SPHKAP: variants seen among roughly 807,000 people sequenced by gnomAD.
The protein encoded by SPHKAP is SPHK1 interactor, AKAP domain containing, also known as A-kinase anchor protein SPHKAP.
A neutral mutation model predicts 137.5 loss-of-function variants in SPHKAP; 67 were observed. That is an observed-to-expected ratio of 0.49 (90% confidence interval 0.40 to 0.60). The LOEUF (loss-of-function observed/expected upper bound fraction) is 0.60, where lower values mean the gene tolerates loss of function less well. Among genes scored for constraint, SPHKAP ranks in the 20% least tolerant of loss-of-function variants. The probability of loss-of-function intolerance (pLI) is 0.00; values close to 1 mark genes in which losing one functional copy is unlikely to be tolerated. For synonymous variants in SPHKAP, 813 were observed against 785.3 expected, an observed-to-expected ratio of 1.04 and a Z score of -0.59; for missense variants, 2,097 against 2,069.3, an observed-to-expected ratio of 1.01 and a Z score of -0.26.
At position 228,020,028 on chromosome 2, in the gene SPHKAP, AT is replaced by A. The variant is rs1406314706; in HGVS notation, c.825del (p.Lys275AsnfsTer6). On this transcript the variant is annotated frameshift_variant, in exon 7 of 12. Transcript: ENST00000392056. LOFTEE classifies it high-confidence loss of function. ...TCTGTTTTAATCAATGGTGTGGGATATTTGTTGATGTATTTGTCTTCCAAAG... is the reference window on the plus strand; with the variant it reads ...TCTGTTTTAATCAATGGTGTGGGATATTGTTGATGTATTTGTCTTCCAAAG... ...LYALEDKYIN[K>X]YPTPLIKTER... is the part of the protein sequence containing the mutation. 6.2e-7 allele frequency: 1 copy of A among 1,614,158 alleles called. No individual in the cohort carries two copies. The highest frequency in any genetic ancestry group is 8.5e-7 in the Non-Finnish European group (1 of 1,180,024).
rs762176818 is a variant in SPHKAP, at chr2:228,016,553, T to A, written c.4301A>T (p.Asp1434Val). Residue 1434 changes from aspartate to valine, a missense_variant, in exon 7 of 12, where the codon GAT (aspartate) becomes GTT (valine). Physicochemically the swap from Asp to Val is radical, Grantham distance 152. Transcript: ENST00000392056. ...TTCCCCAGCACAGGCTTCTCTCTGA[T>A]CTGTTTCAATCTGAATCAAAGGCAC... ...REVPLIQIETDQREACAGEPE... is the reference protein window; with the variant it reads ...REVPLIQIETVQREACAGEPE... 6.2e-7 allele frequency: 1 copy of A among 1,614,144 alleles called. No homozygotes were observed. The highest frequency in any genetic ancestry group is 2.2e-5 in the East Asian group (1 of 44,864).
At position 228,132,002 on chromosome 2, in the gene SPHKAP, T is replaced by C. The variant is rs1172934369; in HGVS notation, c.116A>G (p.Asn39Ser). The change falls in exon 2 of 12, where the codon AAC becomes AGC. Residue 39 changes from asparagine to serine, a missense_variant. Coordinates refer to ENST00000392056, the MANE Select transcript of SPHKAP (RefSeq NM_001142644.2). ...TACCTTCTTACAGGCTGTGATGGAG[T>C]TCCCCGGGCCGCTTCCTGAGCTGCC... The part of the protein sequence containing the change: ...GCGSSGSGPG[N>S]SITACKKVLR... 5.6e-6 allele frequency: 9 copies of C among 1,613,832 alleles called. No individual in the cohort carries two copies. The highest frequency in any genetic ancestry group is 2.5e-6 in the Non-Finnish European group (3 of 1,179,894).
chr2:228,102,792 G>C (rs1449341415), intron 3 of SPHKAP, among the ~76,000 whole-genome samples: 1 of 152,028 alleles, frequency 6.6e-6, no homozygotes, highest in African/African-American at 2.4e-5. Flanking sequence ...ACCCCGGCTG[G>C]AGTGCAATGG....
At chr2:228,102,827 C>T (rs1035075880) in intron 3 of SPHKAP, among the ~76,000 whole-genome samples, 7 of 152,136 alleles carry the variant, frequency 4.6e-5, no homozygotes, top group Non-Finnish European at 7.3e-5. Flanking sequence ...ACTGCTGCCT[C>T]GAACTCCTGG....
At chr2:228,080,041 A>G (rs1697309424) in intron 3 of SPHKAP, among the ~76,000 whole-genome samples, 1 of 152,068 alleles carries the variant, frequency 6.6e-6, no homozygotes, top group Non-Finnish European at 1.5e-5. Flanking sequence ...TGAAGTAAAC[A>G]AAAGCATTGT....
At chr2:228,176,887 C>T (rs1193823018) in intron 1 of SPHKAP, among the ~76,000 whole-genome samples, 1 of 152,046 alleles carries the variant, frequency 6.6e-6, no homozygotes, top group Non-Finnish European at 1.5e-5. Flanking sequence ...AAAACAAAAA[C>T]AAAAACAAAA....
intron 3 of SPHKAP, among the ~76,000 whole-genome samples, chr2:228,054,642 A>G (rs562459023): frequency 6.6e-6 from 1 of 152,258 alleles, no homozygotes; most frequent in East Asian, 1.9e-4. Context: ...CAGAATTTCT[A>G]AAAGTGGGAC....
At chr2:228,084,005 G>A (rs1478762704) in intron 3 of SPHKAP, among the ~76,000 whole-genome samples, 10 of 151,732 alleles carry the variant, frequency 6.6e-5, no homozygotes, top group Admixed American at 1.3e-4. Flanking sequence ...CCCAGATGAC[G>A]GGTTGATATG....
chr2:228,119,456 T>C lies in SPHKAP; in HGVS notation c.139-10517A>G, dbSNP rs1044271186. ...TTTATAATAGTTTAAAAGCCTAGTA[T>C]ACACACACACACACACTCTCTCTCT... On this transcript the variant is annotated intron_variant, in intron 2 of 11. Coordinates refer to ENST00000392056, the MANE Select transcript of SPHKAP (RefSeq NM_001142644.2). 3.5e-4 allele frequency among the ~76,000 whole-genome samples: 48 copies of C among 137,434 alleles called. 1 individual carries two copies. In the East Asian group the frequency reaches 9.1e-3, roughly 26 times the overall value. The allele number at this position is 137,434 out of a possible 152,430, so 90.2% of individuals were successfully genotyped here. A position where few individuals can be genotyped will look rare whatever the true frequency, so the allele number is the denominator to read the frequency against.
chr2:228,109,007 C>CTTTT (rs11374866), intron 2 of SPHKAP, 68 bp from the exon 3 acceptor site: 6 of 719,298 alleles, frequency 8.3e-6, no homozygotes, highest in Non-Finnish European at 1.2e-5. Flanking sequence ...AGCTCTCTCT[C>CTTTT]TTTTTTTTTT....
chr2:228,061,442 A>G (rs1453284136), intron 3 of SPHKAP, among the ~76,000 whole-genome samples: 1 of 151,462 alleles, frequency 6.6e-6, no homozygotes, highest in Non-Finnish European at 1.5e-5. Flanking sequence ...CTAATTTTGT[A>G]TGTATTTTTA....
At chr2:228,180,727 G>T (rs1388984980) in intron 1 of SPHKAP, among the ~76,000 whole-genome samples, 1 of 152,198 alleles carries the variant, frequency 6.6e-6, no homozygotes. Context: ...CCGGCTGGGG[G>T]AGCAGGCCCA....
At chr2:228,138,467 A>AT (rs531274094) in intron 1 of SPHKAP, among the ~76,000 whole-genome samples, 2 of 151,878 alleles carry the variant, frequency 1.3e-5, no homozygotes, top group Non-Finnish European at 2.9e-5. Context: ...AGAAGTTTAT[A>AT]TTTTTTTTCT....
intron 3 of SPHKAP, among the ~76,000 whole-genome samples, chr2:228,036,065 C>T (rs897274701): frequency 3.3e-4 from 50 of 150,408 alleles, no homozygotes; most frequent in Admixed American, 2.1e-3. Flanking sequence ...TTCTGCACAG[C>T]AAAAGAAACT....
intron 3 of SPHKAP, among the ~76,000 whole-genome samples, chr2:228,062,497 T>C (rs1696685544): frequency 6.6e-6 from 1 of 152,150 alleles, no homozygotes; most frequent in African/African-American, 2.4e-5. Flanking sequence ...CTATCACATC[T>C]TGCACACTGA....
At chr2:228,092,551 T>C (rs956556587) in intron 3 of SPHKAP, among the ~76,000 whole-genome samples, 1 of 110,030 alleles carries the variant, frequency 9.1e-6, no homozygotes, top group Non-Finnish European at 1.9e-5. Context: ...GCCATATATA[T>C]GTGTATATGT....
chr2:228,026,529 A>C (rs898478419), intron 4 of SPHKAP, among the ~76,000 whole-genome samples: 3 of 152,194 alleles, frequency 2.0e-5, no homozygotes, highest in Non-Finnish European at 2.9e-5. Flanking sequence ...AGGTGTCTGC[A>C]TGCTCTTAGC....
chr2:228,112,250 C>T (rs1216955047), intron 2 of SPHKAP, among the ~76,000 whole-genome samples: 1 of 152,030 alleles, frequency 6.6e-6, no homozygotes, highest in East Asian at 1.9e-4. Flanking sequence ...CGCTTCTTGG[C>T]CTTTTGGCTA....
At chr2:228,173,119 G>C (rs1700635203) in intron 1 of SPHKAP, 1 of 957,914 alleles carries the variant, frequency 1.0e-6, no homozygotes, top group South Asian at 4.8e-5. Flanking sequence ...CAGGCACACT[G>C]AATGACTCAC....
Sources: gnomAD v4.1 joint callset for allele counts (sites outside exome capture counted in the v4.1 genomes callset) on GRCh38, gnomAD v4.1.1 for gene constraint, MANE v1.5 for transcripts, NCBI Gene and HGNC (gene_info 2026-07-23, HGNC 2026-07-21) for gene names.